ROBO2: variants seen among roughly 807,000 people sequenced by gnomAD.
ROBO2 encodes the protein roundabout homolog 2.
Under a neutral mutation model 160.8 loss-of-function variants are expected in ROBO2, and 53 were observed. That is an observed-to-expected ratio of 0.33 (90% CI 0.26 to 0.41). The LOEUF is 0.41. ROBO2 is among the 10% of genes least tolerant of loss of function. The pLI is 1.00. For missense variants in ROBO2, 1,577 were observed against 1,722.4 expected, an observed-to-expected ratio of 0.92 and a Z score of 1.49; for synonymous variants, 664 against 611.7, an observed-to-expected ratio of 1.09 and a Z score of -1.26.
chr3:77,123,894 C>A (rs2075044840), intron 2 of ROBO2, among the ~76,000 whole-genome samples: 1 of 132,484 alleles, frequency 7.5e-6, no homozygotes, highest in Non-Finnish European at 1.7e-5. Flanking sequence ...TATAGATACA[C>A]ATATCTATGT....
chr3:76,774,720 T>C (rs2062128144), intron 2 of ROBO2, among the ~76,000 whole-genome samples: 1 of 150,756 alleles, frequency 6.6e-6, no homozygotes, highest in African/African-American at 2.4e-5. Context: ...AAGAAATCTA[T>C]GTTTTTAAAA....
At chr3:77,094,502 G>A (rs1290440366) in intron 1 of ROBO2, among the ~76,000 whole-genome samples, 8 of 152,256 alleles carry the variant, frequency 5.3e-5, no homozygotes, top group East Asian at 3.9e-4. Context: ...ATATTCATGA[G>A]TAAGTTTTGT....
intron 2 of ROBO2, among the ~76,000 whole-genome samples, chr3:76,189,874 C>T (rs190883665): frequency 3.1e-4 from 47 of 152,050 alleles, no homozygotes; most frequent in African/African-American, 1.0e-3. Context: ...ACTGAGGTTT[C>T]GAAGGATCAC....
chr3:76,458,337 C>T (rs1256893498), intron 2 of ROBO2, among the ~76,000 whole-genome samples: 1 of 152,080 alleles, frequency 6.6e-6, no homozygotes, highest in Non-Finnish European at 1.5e-5. Context: ...CTGCCAGTCT[C>T]TTTGCTAAAA....
intron 2 of ROBO2, among the ~76,000 whole-genome samples, chr3:77,246,869 C>G (rs1323367810): frequency 6.6e-6 from 1 of 152,010 alleles, no homozygotes; most frequent in Non-Finnish European, 1.5e-5. Flanking sequence ...CTCTTGGGGG[C>G]ATAAATTTCC....
intron 2 of ROBO2, among the ~76,000 whole-genome samples, chr3:76,040,724 A>T (rs977424848): frequency 6.6e-6 from 1 of 152,080 alleles, no homozygotes; most frequent in Non-Finnish European, 1.5e-5. Flanking sequence ...ATGGGGGCTC[A>T]TGCCTGTAAT....
intron 2 of ROBO2, among the ~76,000 whole-genome samples, chr3:77,030,250 C>T (rs1018644028): frequency 2.0e-5 from 3 of 152,122 alleles, no homozygotes; most frequent in Non-Finnish European, 2.9e-5. Flanking sequence ...GGCAAAAGTA[C>T]CATTCGGTTC....
intron 2 of ROBO2, among the ~76,000 whole-genome samples, chr3:76,124,967 T>G (rs1242115238): frequency 6.6e-6 from 1 of 152,270 alleles, no homozygotes; most frequent in East Asian, 1.9e-4. Context: ...GCATAATACC[T>G]GATGGGTACT....
intron 2 of ROBO2, among the ~76,000 whole-genome samples, chr3:76,195,213 T>G (rs1322318673): frequency 6.6e-6 from 1 of 152,184 alleles, no homozygotes. Flanking sequence ...GATTCGCTTT[T>G]CAGATAAGGA....
chr3:76,389,575 G>C (rs2077051747), intron 2 of ROBO2, among the ~76,000 whole-genome samples: 1 of 152,094 alleles, frequency 6.6e-6, no homozygotes, highest in African/African-American at 2.4e-5. Context: ...TATGTGCTCT[G>C]TACTGATAAA....
chr3:77,060,219 G>C (rs1169468502), intron 1 of ROBO2, among the ~76,000 whole-genome samples: 1 of 152,150 alleles, frequency 6.6e-6, no homozygotes, highest in Non-Finnish European at 1.5e-5. Flanking sequence ...GTCATGCACA[G>C]ATCAGGAATG....
intron 24 of ROBO2, among the ~76,000 whole-genome samples, chr3:77,644,118 TG>T: frequency 2.2e-5 from 2 of 91,946 alleles, no homozygotes; most frequent in African/African-American, 4.4e-5. Context: ...AGAGACAATC[TG>T]TAAAAAAAAA....
intron 2 of ROBO2, among the ~76,000 whole-genome samples, chr3:76,411,361 A>G (rs2075475967): frequency 6.6e-6 from 1 of 152,166 alleles, no homozygotes; most frequent in African/African-American, 2.4e-5. Flanking sequence ...TAAATATAAT[A>G]CATGCAGTAA....
At chr3:76,250,943 T>C (rs1465654030) in intron 2 of ROBO2, among the ~76,000 whole-genome samples, 1 of 152,014 alleles carries the variant, frequency 6.6e-6, no homozygotes, top group African/African-American at 2.4e-5. Context: ...TCACCTGAAT[T>C]ATTAGAGCTG....
intron 5 of ROBO2, among the ~76,000 whole-genome samples, chr3:77,514,525 T>C (rs536824858): frequency 6.6e-6 from 1 of 151,904 alleles, no homozygotes; most frequent in East Asian, 1.9e-4. Context: ...ATAAATGTAC[T>C]TATAAAGAGT....
In ROBO2 at chr3:76,275,107, C is replaced by T. The variant is rs181075117; in HGVS notation, c.109+337505C>T. Among the ~76,000 whole-genome samples the T allele has an allele frequency of 2.7e-3, 405 of 152,186 alleles. 1 individual carries two copies. Among genetic ancestry groups the T allele is most frequent in the African/African-American group, 9.4e-3 (389 of 41,540 alleles). ...TGATTGACAACAGTAGACACAACAA[C>T]AATAATTGCGCCGTGCAAGTGCTAT... On this transcript the variant is annotated intron_variant, in intron 2 of 26. Transcript: ENST00000487694.
At chr3:76,061,973 A>T (rs2068084011) in intron 2 of ROBO2, among the ~76,000 whole-genome samples, 1 of 151,784 alleles carries the variant, frequency 6.6e-6, no homozygotes, top group African/African-American at 2.4e-5. Flanking sequence ...TCTCCCTCTG[A>T]CTCTAGCTCT....
intron 2 of ROBO2, among the ~76,000 whole-genome samples, chr3:76,378,538 A>C (rs2076461522): frequency 6.6e-6 from 1 of 152,182 alleles, no homozygotes; most frequent in African/African-American, 2.4e-5. Flanking sequence ...TTCGAAGAAT[A>C]GGATATAGCA....
chr3:76,834,090 C>CT (rs772148496), intron 2 of ROBO2, among the ~76,000 whole-genome samples: 7 of 113,210 alleles, frequency 6.2e-5, no homozygotes, highest in Non-Finnish European at 1.1e-4. Context: ...TTCTTTCTTT[C>CT]TTTCTTTCTT....
Sources: gnomAD v4.1 joint callset for allele counts (sites outside exome capture counted in the v4.1 genomes callset) on GRCh38, gnomAD v4.1.1 for gene constraint, MANE v1.5 for transcripts, NCBI Gene and HGNC (gene_info 2026-07-23, HGNC 2026-07-21) for gene names.